Variants in ZBTB49 observed in about 807,000 individuals in gnomAD.
ZBTB49 encodes zinc finger and BTB domain containing 49.
ZBTB49 carries 43 observed loss-of-function variants against 57.5 expected under a neutral mutation model. That is an observed-to-expected ratio of 0.75 (90% CI 0.59 to 0.97). The LOEUF is 0.97. ZBTB49 is among the 50% of genes least tolerant of loss of function. The pLI, the probability that ZBTB49 is intolerant of heterozygous loss-of-function variation, is 0.00. For missense variants in ZBTB49, 938 were observed against 947.7 expected (o/e 0.99, Z 0.13); for synonymous variants, 369 against 362.1 (o/e 1.02, Z -0.22).
At position 4,299,893 on chromosome 4, in the gene ZBTB49, GAAT is replaced by G. The variant is rs1720399721; in HGVS notation, c.-19-32_-19-30del. 2.5e-6 allele frequency: 4 copies of G among 1,599,426 alleles called. No homozygotes were observed. In the South Asian group the frequency reaches 3.3e-5, roughly 13 times the overall value. ...ATTTAGTTTCCAGTGAGGTCCTTAAGAATATCTGTCGTATCTGTGATTTTTTGC... is the reference window on the plus strand; with the variant it reads ...ATTTAGTTTCCAGTGAGGTCCTTAAGATCTGTCGTATCTGTGATTTTTTGC... On this transcript the variant is annotated intron_variant, in intron 1 of 7. Coordinates refer to ENST00000337872, the MANE Select transcript of ZBTB49 (RefSeq NM_145291.4).
rs541151067 is a variant in ZBTB49, at chr4:4,303,390, G to A, written c.1255+299G>A. ...CTAAAGAAAGTATAGTAATTTTGGT[G>A]CACCCAGAATTTCAAATTAATTCTA... On this transcript the variant is annotated intron_variant, in intron 3 of 7. Coordinates refer to ENST00000337872, the MANE Select transcript of ZBTB49 (RefSeq NM_145291.4). 2.2e-4 allele frequency among the ~76,000 whole-genome samples: 33 copies of A among 152,180 alleles called. No homozygotes were observed. In the South Asian group the frequency reaches 6.8e-3, roughly 32 times the overall value.
chr4:4,304,896 A>G lies in ZBTB49; in HGVS notation c.1256-1242A>G, dbSNP rs910440995. Among the ~76,000 whole-genome samples, 6 of 151,734 alleles carry G rather than the reference A, an allele frequency of 4.0e-5. No homozygotes were observed. In the East Asian group the frequency reaches 9.7e-4, roughly 25 times the overall value. Reference sequence around the variant, plus strand: ...TTCATTTCCAGTATGGTAGATATCAATAGCTATAGCCCATATTAACAAAAG... The same window carrying G: ...TTCATTTCCAGTATGGTAGATATCAGTAGCTATAGCCCATATTAACAAAAG... On this transcript the variant is annotated intron_variant, in intron 3 of 7. Coordinates refer to ENST00000337872, the MANE Select transcript of ZBTB49 (RefSeq NM_145291.4).
chr4:4,302,632 C>T lies in ZBTB49; in HGVS notation c.796C>T (p.Leu266=). 6.2e-7 allele frequency: 1 copy of T among 1,612,384 alleles called. No individual in the cohort carries two copies. Among genetic ancestry groups the T allele is most frequent in the Non-Finnish European group, 8.5e-7 (1 of 1,179,070 alleles). ...TGCCGTCAGTCATTCTGAATGCATC[C>T]TGGAGTCTCCCGAGCACTTACCTTC... The part of the protein sequence containing the change: ...PCAVSHSECI[L]ESPEHLPSNF... The change falls in exon 3 of 8, where the codon CTG becomes TTG. Residue 266 remains leucine (L), a synonymous_variant. Transcript: ENST00000337872.
intron 7 of ZBTB49, among the ~76,000 whole-genome samples, chr4:4,318,434 G>T (rs1339240314): frequency 6.6e-6 from 1 of 152,112 alleles, no homozygotes; most frequent in East Asian, 1.9e-4. Flanking sequence ...TGGCCGACAT[G>T]GCGAAACCCC....
chr4:4,309,374 C>T (rs767281472), intron 4 of ZBTB49, among the ~76,000 whole-genome samples: 5 of 152,124 alleles, frequency 3.3e-5, no homozygotes, highest in African/African-American at 4.8e-5. Context: ...ATGACTGAGT[C>T]GCAGTCAGAG....
chr4:4,311,933 A>AG (rs1553806684), intron 4 of ZBTB49, among the ~76,000 whole-genome samples: 1 of 152,030 alleles, frequency 6.6e-6, no homozygotes, highest in Non-Finnish European at 1.5e-5. Flanking sequence ...CGCAGATGGC[A>AG]TTTTTAATAC....
rs1387185076 is a variant in ZBTB49, at chr4:4,302,299, C to T, written c.463C>T (p.His155Tyr). 1 of 1,614,038 alleles carries T rather than the reference C, an allele frequency of 6.2e-7. No individual in the cohort carries two copies. Among genetic ancestry groups the T allele is most frequent in the Non-Finnish European group, 8.5e-7 (1 of 1,179,982 alleles). Residue 155 changes from histidine to tyrosine, a missense_variant, in exon 3 of 8, where the codon CAT (histidine) becomes TAT (tyrosine). By Grantham distance (83) the His-to-Tyr change is moderately conservative (BLOSUM62 2). Transcript: ENST00000337872. ...TCVISENYPP[H>Y]LLQECSADAQ... ...TGTTATCAGTGAAAACTACCCCCCT[C>T]ATTTACTGCAGGAATGTTCAGCAGA...
rs749982766 is a variant in ZBTB49 at position 4,321,014 on chromosome 4, G to A, written c.1996G>A (p.Asp666Asn). 1.8e-5 allele frequency: 29 copies of A among 1,614,040 alleles called. No homozygotes were observed. Among genetic ancestry groups the A allele is most frequent in the Non-Finnish European group, 2.4e-5 (28 of 1,180,034 alleles). ...RSMIQPHGVS[D>N]QEKLSLDPGK... is the part of the protein sequence containing the mutation. ...CATGATCCAACCTCATGGAGTTAGT[G>A]ACCAGGAGAAGCTGAGTTTGGATCC... The change falls in exon 8 of 8, where the codon GAC becomes AAC. Residue 666 changes from aspartate (D) to asparagine (N), a missense_variant. Coordinates refer to ENST00000337872, the MANE Select transcript of ZBTB49 (RefSeq NM_145291.4).
At chr4:4,300,373 T>G (rs988637138) in intron 2 of ZBTB49, among the ~76,000 whole-genome samples, 8 of 152,252 alleles carry the variant, frequency 5.3e-5, no homozygotes, top group African/African-American at 1.7e-4. Context: ...ATTTTACTAA[T>G]TCTGGCTAAT....
At chr4:4,299,367 G>A (rs1406034949) in intron 1 of ZBTB49, among the ~76,000 whole-genome samples, 1 of 150,880 alleles carries the variant, frequency 6.6e-6, no homozygotes, top group African/African-American at 2.4e-5. Context: ...TAGGTATTTT[G>A]ACCTGTACCT....
Position 4,303,074 on chromosome 4 carries a change from A to T in ZBTB49, c.1238A>T (p.His413Leu). ...PFKHPSNLELHKRSHTGEKPF... is the reference protein window; with the variant it reads ...PFKHPSNLELLKRSHTGEKPF... ...AAACACCCAAGCAACTTGGAGCTTCACAAACGGTCTCATACAGGTAACTGA... is the reference window on the plus strand; with the variant it reads ...AAACACCCAAGCAACTTGGAGCTTCTCAAACGGTCTCATACAGGTAACTGA... The change falls in exon 3 of 8, where the codon CAC (histidine) becomes CTC (leucine). Residue 413 changes from histidine (H) to leucine (L), a missense_variant. Physicochemically the swap from His to Leu is moderately conservative, Grantham distance 99 (BLOSUM62 -3). Coordinates refer to ENST00000337872, the MANE Select transcript of ZBTB49 (RefSeq NM_145291.4). 1.9e-6 allele frequency: 3 copies of T among 1,608,886 alleles called. No homozygotes were observed. Among genetic ancestry groups the T allele is most frequent in the Non-Finnish European group, 2.5e-6 (3 of 1,176,746 alleles).
chr4:4,313,679 G>A (rs1214227224), intron 5 of ZBTB49, among the ~76,000 whole-genome samples: 2 of 152,130 alleles, frequency 1.3e-5, no homozygotes, highest in African/African-American at 4.8e-5. Flanking sequence ...CTGCAGCGTG[G>A]TATAAATGAG....
chr4:4,303,234 C>T lies in ZBTB49; in HGVS notation c.1255+143C>T, dbSNP rs1041695471. The T allele has an allele frequency of 2.0e-5, 20 of 1,019,146 alleles. No individual in the cohort carries two copies. The African/African-American group carries it at 3.3e-4, about 17-fold the overall frequency. The allele number at this position is 1,019,146 out of a possible 1,614,324, so 63.1% of individuals were successfully genotyped here. A position where few individuals can be genotyped will look rare whatever the true frequency, so the allele number is the denominator to read the frequency against. ...TAAACAAAATAAGGGGGATTAACTA[C>T]TTTTTGTTTTATATTTTTGGTGATG... On this transcript the variant is annotated intron_variant, in intron 3 of 7. Coordinates refer to ENST00000337872, the MANE Select transcript of ZBTB49 (RefSeq NM_145291.4).
In ZBTB49 at chr4:4,290,292, G is replaced by T. The variant is rs896759467; in HGVS notation, c.-80G>T. ...CGCGGCCAGCGGATCGCTGCGAGTG[G>T]CCTTGAAGGCAGCTGCTGCAGGTGA... is the stretch of plus-strand genomic sequence containing the variant. On this transcript the variant is annotated 5_prime_UTR_variant, in exon 1 of 8. Coordinates refer to ENST00000337872, the MANE Select transcript of ZBTB49 (RefSeq NM_145291.4). 1.3e-5 allele frequency: 2 copies of T among 152,418 alleles called. No homozygotes were observed. Among genetic ancestry groups the T allele is most frequent in the South Asian group, 2.1e-4 (1 of 4,840 alleles). 9.4% of individuals were successfully genotyped at this position (152,418 alleles called of 1,614,324 possible).
At chr4:4,305,495 G>A (rs1720695427) in intron 3 of ZBTB49, among the ~76,000 whole-genome samples, 1 of 152,158 alleles carries the variant, frequency 6.6e-6, no homozygotes, top group African/African-American at 2.4e-5. Context: ...GAACAGCTGT[G>A]GTTTTTTTGT....
chr4:4,293,405 GA>G (rs1303666782), intron 1 of ZBTB49, among the ~76,000 whole-genome samples: 4 of 152,246 alleles, frequency 2.6e-5, no homozygotes, highest in Non-Finnish European at 5.9e-5. Flanking sequence ...GTAGACTGAA[GA>G]GGCAGCTGAT....
chr4:4,308,866 GTT>G (rs1205674444), intron 4 of ZBTB49, among the ~76,000 whole-genome samples: 2 of 152,240 alleles, frequency 1.3e-5, no homozygotes, highest in Non-Finnish European at 2.9e-5. Context: ...TGAAAGGTGT[GTT>G]TGGGACAGCA....
chr4:4,314,138 C>G (rs1181153304), intron 5 of ZBTB49, among the ~76,000 whole-genome samples: 2 of 152,192 alleles, frequency 1.3e-5, no homozygotes, highest in African/African-American at 2.4e-5. Flanking sequence ...AGAAAACAAA[C>G]AAAAGCTGCG....
At chr4:4,318,894 C>CTTTT (rs113390733) in intron 7 of ZBTB49, among the ~76,000 whole-genome samples, 4 of 130,940 alleles carry the variant, frequency 3.1e-5, no homozygotes, top group African/African-American at 2.9e-5. Context: ...TTTTTTTAAT[C>CTTTT]TTTTTTTTTT....
Sources: allele counts gnomAD v4.1 joint callset (sites outside exome capture counted in the v4.1 genomes callset), GRCh38; gene constraint gnomAD v4.1.1; transcripts MANE v1.5; gene names NCBI Gene and HGNC (gene_info 2026-07-23, HGNC 2026-07-21).